The following DAW1 variants were observed in gnomAD, a reference collection of about 807,000 sequenced individuals.
DAW1 encodes the protein dynein assembly factor with WD repeats 1, also known as dynein assembly factor with WD repeat domains 1.
Under a neutral mutation model 56.5 loss-of-function variants are expected in DAW1, and 47 were observed. The observed-to-expected ratio is 0.83, with a 90% CI of 0.66 to 1.06. The LOEUF (loss-of-function observed/expected upper bound fraction) is 1.06, where lower values mean the gene tolerates loss of function less well. Ranked by LOEUF, DAW1 falls within the 50% of genes least tolerant of loss-of-function variation. The probability of loss-of-function intolerance (pLI) is 0.00; values close to 1 mark genes in which losing one functional copy is unlikely to be tolerated. For synonymous variants in DAW1, 190 were observed against 179.0 expected (o/e 1.06, Z -0.49); for missense variants, 505 against 499.3 (o/e 1.01, Z -0.11).
At chr2:227,888,187 A>G (rs1470147683) in intron 2 of DAW1, among the ~76,000 whole-genome samples, 1 of 152,216 alleles carries the variant, frequency 6.6e-6, no homozygotes, top group Admixed American at 6.5e-5. Context: ...TGCTAAAGCA[A>G]TAGTACCAAC....
At chr2:227,915,328 T>C (rs945230739) in intron 10 of DAW1, among the ~76,000 whole-genome samples, 2 of 152,206 alleles carry the variant, frequency 1.3e-5, no homozygotes. Flanking sequence ...TAATGTATGG[T>C]GTTACTCTAT....
At chr2:227,913,871 A>ATATATATC (rs1691886703) in intron 10 of DAW1, among the ~76,000 whole-genome samples, 1 of 143,500 alleles carries the variant, frequency 7.0e-6, no homozygotes, top group Non-Finnish European at 1.5e-5. Context: ...GACAGTCATC[A>ATATATATC]TATCTATCTA....
chr2:227,912,668 C>T (rs562188004), intron 10 of DAW1, among the ~76,000 whole-genome samples: 6 of 152,070 alleles, frequency 3.9e-5, no homozygotes, highest in Admixed American at 1.3e-4. Flanking sequence ...TCTGTGTCAC[C>T]TTGTTGAAAA....
At chr2:227,917,210 A>G (rs1559314769) in intron 10 of DAW1, among the ~76,000 whole-genome samples, 1 of 149,394 alleles carries the variant, frequency 6.7e-6, no homozygotes, top group African/African-American at 2.5e-5. Context: ...CTATCGATCG[A>G]TCTATCTACT....
chr2:227,874,283 A>G (rs1267501946), intron 1 of DAW1, among the ~76,000 whole-genome samples: 5 of 152,196 alleles, frequency 3.3e-5, no homozygotes, highest in South Asian at 2.1e-4. Flanking sequence ...ACATGGTGAC[A>G]ACAGCACCAC....
At chr2:227,894,232 C>T (rs550920306) in intron 5 of DAW1, among the ~76,000 whole-genome samples, 1 of 152,076 alleles carries the variant, frequency 6.6e-6, no homozygotes, top group East Asian at 1.9e-4. Flanking sequence ...GAAACCCCAT[C>T]TCTACTAAAA....
intron 4 of DAW1, 55 bp from the exon 5 acceptor site, chr2:227,893,740 C>A (rs35758334): frequency 0.47 from 743,152 of 1,565,278 alleles, 181,247 homozygotes; most frequent in Admixed American, 0.62. Flanking sequence ...AACATGAAGT[C>A]TTTATTAACA....
intron 10 of DAW1, among the ~76,000 whole-genome samples, chr2:227,915,523 A>G (rs547860607): frequency 1.3e-5 from 2 of 152,164 alleles, no homozygotes; most frequent in Admixed American, 6.5e-5. Flanking sequence ...TACTATAACT[A>G]TGTCTTTTCT....
At chr2:227,922,449 G>A (rs959941382) in intron 12 of DAW1, among the ~76,000 whole-genome samples, 7 of 152,324 alleles carry the variant, frequency 4.6e-5, no homozygotes, top group East Asian at 1.9e-4. Flanking sequence ...GGAGTGCCTC[G>A]AGGGGAGGCC....
In DAW1 at chr2:227,889,952, G is replaced by C; in HGVS notation, c.210G>C (p.Leu70Phe). The C allele has an allele frequency of 6.2e-7, 1 of 1,602,450 alleles. No homozygotes were observed. Among genetic ancestry groups the C allele is most frequent in the Non-Finnish European group, 8.5e-7 (1 of 1,175,510 alleles). ...TEQVKLLIQR[L>F]QEKLGQNSNH... ...AAGTCAAACTTTTGATACAGAGGTTGCAAGAGAAACTCGGCCAGAACAGCA... is the reference window on the plus strand; with the variant it reads ...AAGTCAAACTTTTGATACAGAGGTTCCAAGAGAAACTCGGCCAGAACAGCA... Residue 70 changes from leucine (L) to phenylalanine (F), a missense_variant, in exon 3 of 13, where the codon TTG becomes TTC. Physicochemically the swap from Leu to Phe is conservative, Grantham distance 22. Coordinates refer to ENST00000309931, the MANE Select transcript of DAW1 (RefSeq NM_178821.3).
chr2:227,905,186 AATG>A (rs1691649671), intron 8 of DAW1, 151 bp downstream of exon 8: 2 of 533,242 alleles, frequency 3.8e-6, no homozygotes, highest in Non-Finnish European at 6.3e-6. Context: ...TTCATTCTTT[AATG>A]ATATTTCTGA....
At chr2:227,913,069 G>A (rs79181279) in intron 10 of DAW1, among the ~76,000 whole-genome samples, 15,334 of 152,042 alleles carry the variant, frequency 0.1, 826 homozygotes, top group Middle Eastern at 0.22. Flanking sequence ...CTTTACAATC[G>A]CAATCATGTA....
intron 10 of DAW1, among the ~76,000 whole-genome samples, chr2:227,911,462 T>C (rs1336735847): frequency 1.3e-5 from 2 of 151,078 alleles, no homozygotes; most frequent in Non-Finnish European, 3.0e-5. Context: ...CAGCATATAA[T>C]AGCACATATG....
intron 12 of DAW1, 44 bp downstream of exon 12, chr2:227,921,605 G>A (rs1168971751): frequency 6.4e-7 from 1 of 1,574,628 alleles, no homozygotes; most frequent in Admixed American, 1.7e-5. Context: ...TTCTTGATTG[G>A]CTGTTAGAGT....
At chr2:227,894,971 A>T (rs1691372921) in intron 5 of DAW1, among the ~76,000 whole-genome samples, 1 of 152,252 alleles carries the variant, frequency 6.6e-6, no homozygotes, top group African/African-American at 2.4e-5. Flanking sequence ...CCAATAAAAT[A>T]TGAGTGTGAA....
chr2:227,907,341 T>G (rs1415123444), intron 10 of DAW1, 89 bp downstream of exon 10: 3 of 1,013,126 alleles, frequency 3.0e-6, no homozygotes, highest in Non-Finnish European at 4.4e-6. Context: ...GGTCATTTCT[T>G]TGATGACCAG....
chr2:227,878,203 C>A (rs1690929518), intron 1 of DAW1, among the ~76,000 whole-genome samples: 1 of 152,110 alleles, frequency 6.6e-6, no homozygotes, highest in Admixed American at 6.5e-5. Flanking sequence ...TCATTGTGTA[C>A]ATCATTTATT....
intron 8 of DAW1, 66 bp downstream of exon 8, chr2:227,905,101 T>C: frequency 7.0e-7 from 1 of 1,428,194 alleles, no homozygotes; most frequent in African/African-American, 1.4e-5. Context: ...CTCTGTTATT[T>C]TTTAGTTTAA....
chr2:227,880,795 G>C (rs1690992651), intron 1 of DAW1, among the ~76,000 whole-genome samples: 1 of 152,202 alleles, frequency 6.6e-6, no homozygotes, highest in Non-Finnish European at 1.5e-5. Context: ...GGAAACTCCA[G>C]AGGAGAAGCA....
Sources: gnomAD v4.1 joint callset for allele counts (sites outside exome capture counted in the v4.1 genomes callset) on GRCh38, gnomAD v4.1.1 for gene constraint, MANE v1.5 for transcripts, NCBI Gene and HGNC (gene_info 2026-07-23, HGNC 2026-07-21) for gene names.